The following CMAS variants were observed in gnomAD, a reference collection of about 807,000 sequenced individuals.
The protein encoded by CMAS is cytidine monophosphate N-acetylneuraminic acid synthetase.
In CMAS, 21 loss-of-function variants were observed where a neutral mutation model predicts 53.4. The ratio of observed to expected loss-of-function variants is 0.39; its 90% CI spans 0.28 to 0.57. The LOEUF is 0.57. Ranked by LOEUF, CMAS falls within the 20% of genes least tolerant of loss-of-function variation. The pLI is 0.56. For missense variants in CMAS, 384 were observed against 534.9 expected, an observed-to-expected ratio of 0.72 and a Z score of 2.78; for synonymous variants, 189 against 195.2, an observed-to-expected ratio of 0.97 and a Z score of 0.27.
intron 7 of CMAS, 107 bp from the exon 8 acceptor site, chr12:22,065,014 G>GTCTT (rs746880723): frequency 2.4e-4 from 185 of 777,864 alleles, no homozygotes; most frequent in Non-Finnish European, 3.3e-4. Flanking sequence ...GTGCCCCTAG[G>GTCTT]TCTTACTGAA....
At chr12:22,056,736 C>T (rs566957417) in intron 3 of CMAS, among the ~76,000 whole-genome samples, 1 of 152,170 alleles carries the variant, frequency 6.6e-6, no homozygotes, top group African/African-American at 2.4e-5. Flanking sequence ...GTGGTTCCTA[C>T]AGATGACAAT....
At chr12:22,055,010 T>C (rs6416226) in intron 1 of CMAS, 139 bp from the exon 2 acceptor site, 113,304 of 526,182 alleles carry the variant, frequency 0.22, 16,159 homozygotes, top group East Asian at 0.61. Flanking sequence ...TTTATACTCC[T>C]TTGGATCTGT....
In CMAS at chr12:22,062,260, CTTTT is replaced by C. The variant is rs33946820; in HGVS notation, c.961-7_961-4del. The C allele has an allele frequency of 0.015, 20,835 of 1,403,680 alleles. 1 individual carries two copies. Among genetic ancestry groups the C allele is most frequent in the East Asian group, 0.089 (3,367 of 37,872 alleles). 87.0% of individuals were successfully genotyped at this position (1,403,680 alleles called of 1,614,324 possible). A position where few individuals can be genotyped will look rare whatever the true frequency, so the allele number is the denominator to read the frequency against. Reference sequence around the variant, plus strand: ...TAATTTTTCCCTTCTTCCTCCAATCCTTTTTTTTTTTTTTTTTAAGGTGAGGCTA... The same window carrying C: ...TAATTTTTCCCTTCTTCCTCCAATCCTTTTTTTTTTTTTAAGGTGAGGCTA... On this transcript the variant is annotated splice_polypyrimidine_tract_variant and intron_variant, in intron 6 of 7. Transcript: ENST00000229329.
In CMAS at chr12:22,061,335, T is replaced by A; in HGVS notation, c.843T>A (p.Asn281Lys). ...AGGAAATAAAACTTTTGGTTTGCAA[T>A]ATTGATGGATGTCTCACCAATGGCC... ...KLKEIKLLVC[N>K]IDGCLTNGHI... Residue 281 changes from asparagine to lysine, a missense_variant, in exon 6 of 8, where the codon AAT (asparagine) becomes AAA (lysine). By Grantham distance (94) the Asn-to-Lys change is moderately conservative. This residue lies in a region of CMAS where 139 missense variants were observed against 248.0 expected (regional missense o/e 0.56). Transcript: ENST00000229329. 1.2e-6 allele frequency: 2 copies of A among 1,612,024 alleles called. No individual in the cohort carries two copies. Among genetic ancestry groups the A allele is most frequent in the Non-Finnish European group, 1.7e-6 (2 of 1,178,984 alleles).
chr12:22,053,249 C>T (rs1950247053), intron 1 of CMAS, among the ~76,000 whole-genome samples: 2 of 151,890 alleles, frequency 1.3e-5, no homozygotes, highest in East Asian at 3.9e-4. Flanking sequence ...AGATAATGGG[C>T]CACTGTACTC....
At position 22,062,345 on chromosome 12, in the gene CMAS, A is replaced by C. The variant is rs1275897703; in HGVS notation, c.1025A>C (p.Lys342Thr). 1 of 1,613,558 alleles carries C rather than the reference A, an allele frequency of 6.2e-7. No individual in the cohort carries two copies. The highest frequency in any genetic ancestry group is 2.2e-5 in the East Asian group (1 of 44,834). ...CTGTCTTCTTTAAAACTGGATTGCA[A>C]AATGGAAGTCAGTGTATCAGACAAG... is the stretch of plus-strand genomic sequence containing the variant. ...QTLSSLKLDC[K>T]MEVSVSDKLA... The change falls in exon 7 of 8, where the codon AAA becomes ACA. Residue 342 changes from lysine (K) to threonine (T), a missense_variant. Coordinates refer to ENST00000229329, the MANE Select transcript of CMAS (RefSeq NM_018686.6).
chr12:22,053,796 A>T (rs971924222), intron 1 of CMAS, among the ~76,000 whole-genome samples: 195 of 149,136 alleles, frequency 1.3e-3, no homozygotes, highest in African/African-American at 4.5e-3. Context: ...GGAGAATGGC[A>T]TGAACCTGGG....
chr12:22,060,823 T>A lies in CMAS; in HGVS notation c.694-9T>A. ...AAAACAGTATTCATGACATTTATACTACCTTTAGGGTGGAAAAATGGCATA... is the reference window on the plus strand; with the variant it reads ...AAAACAGTATTCATGACATTTATACAACCTTTAGGGTGGAAAAATGGCATA... On this transcript the variant is annotated splice_polypyrimidine_tract_variant and intron_variant, in intron 4 of 7. Coordinates refer to ENST00000229329, the MANE Select transcript of CMAS (RefSeq NM_018686.6). The A allele has an allele frequency of 6.5e-7, 1 of 1,532,382 alleles. No individual in the cohort carries two copies. Among genetic ancestry groups the A allele is most frequent in the Non-Finnish European group, 9.0e-7 (1 of 1,107,204 alleles). 94.9% of individuals were successfully genotyped at this position (1,532,382 alleles called of 1,614,324 possible).
chr12:22,055,537 A>C lies in CMAS; in HGVS notation c.486A>C (p.Arg162=), dbSNP rs1262929066. The change falls in exon 3 of 8, where the codon CGA becomes CGC. Residue 162 remains arginine, a synonymous_variant. Transcript: ENST00000229329. ...TDLQKVAEMI[R]EEGYDSVFSV... is the part of the protein sequence containing the mutation. ...TTCAAAAAGTTGCAGAAATGATTCG[A>C]GAAGAAGGATATGATTCTGTTTTCT... 9 of 1,612,614 alleles carry C rather than the reference A, an allele frequency of 5.6e-6. No homozygotes were observed. The highest frequency in any genetic ancestry group is 7.6e-6 in the Non-Finnish European group (9 of 1,179,630).
At chr12:22,060,476 C>T (rs952094066) in intron 4 of CMAS, among the ~76,000 whole-genome samples, 9 of 149,898 alleles carry the variant, frequency 6.0e-5, no homozygotes, top group African/African-American at 2.2e-4. Context: ...ATAGCAAGAT[C>T]TTATATCTAC....
Position 22,061,458 on chromosome 12 carries a change from T to C in CMAS, c.960+6T>C. ...TAAAGAAAAGTGGTATTGAGGTATG[T>C]GCTCCCTGAATATAGCAGTATTTTA... is the stretch of plus-strand genomic sequence containing the variant. On this transcript the variant is annotated splice_donor_region_variant and intron_variant, in intron 6 of 7. Coordinates refer to ENST00000229329, the MANE Select transcript of CMAS (RefSeq NM_018686.6). The C allele has an allele frequency of 6.5e-7, 1 of 1,539,132 alleles. No homozygotes were observed. The highest frequency in any genetic ancestry group is 8.9e-7 in the Non-Finnish European group (1 of 1,127,232).
In CMAS at chr12:22,055,576, C is replaced by T. The variant is rs968937528; in HGVS notation, c.525C>T (p.Arg175=). 2 of 1,609,892 alleles carry T rather than the reference C, an allele frequency of 1.2e-6. No homozygotes were observed. Among genetic ancestry groups the T allele is most frequent in the Non-Finnish European group, 1.7e-6 (2 of 1,179,070 alleles). Residue 175 remains arginine, a synonymous_variant, in exon 3 of 8, where the codon CGC becomes CGT. Transcript: ENST00000229329. The part of the protein sequence containing the change: ...GYDSVFSVVR[R]HQFRWSEIQK... Reference sequence around the variant, plus strand: ...ATTCTGTTTTCTCTGTTGTGAGACGCCATCAGTTTCGATGGAGTGAAATTC... The same window carrying T: ...ATTCTGTTTTCTCTGTTGTGAGACGTCATCAGTTTCGATGGAGTGAAATTC...
In CMAS at chr12:22,065,384, A is replaced by C. The variant is rs1478981872; in HGVS notation, c.*73A>C. The stretch of plus-strand genomic sequence containing the variant: ...GTTTGCTTTTATTTTTGATTAAGTA[A>C]ATTCCATGTTGTAATGTTACAGAGA... On this transcript the variant is annotated 3_prime_UTR_variant, in exon 8 of 8. Coordinates refer to ENST00000229329, the MANE Select transcript of CMAS (RefSeq NM_018686.6). The C allele has an allele frequency of 5.1e-6, 6 of 1,171,816 alleles. No individual in the cohort carries two copies. The East Asian group carries it at 1.4e-4, about 28-fold the overall frequency. The allele number at this position is 1,171,816 out of a possible 1,614,324, so 72.6% of individuals were successfully genotyped here. A position where few individuals can be genotyped will look rare whatever the true frequency, so the allele number is the denominator to read the frequency against.
chr12:22,056,849 C>A (rs1004268596), intron 3 of CMAS, among the ~76,000 whole-genome samples: 1 of 152,156 alleles, frequency 6.6e-6, no homozygotes, highest in Non-Finnish European at 1.5e-5. Context: ...TGTACCTTCT[C>A]CTCATACTCA....
chr12:22,058,424 C>CA (rs75620701), intron 3 of CMAS, 143 bp from the exon 4 acceptor site: 39,330 of 520,842 alleles, frequency 0.076, 19 homozygotes, highest in Non-Finnish European at 0.088. Context: ...GACTCTGTCT[C>CA]AAAAAAAAAA....
chr12:22,053,482 GT>G (rs1009000078), intron 1 of CMAS, among the ~76,000 whole-genome samples: 10 of 147,542 alleles, frequency 6.8e-5, no homozygotes, highest in South Asian at 4.4e-4. Context: ...ATATATGTTT[GT>G]GTGTGTATAT....
chr12:22,059,560 AAG>A (rs930831820), intron 4 of CMAS, among the ~76,000 whole-genome samples: 16 of 152,066 alleles, frequency 1.1e-4, no homozygotes, highest in African/African-American at 3.6e-4. Context: ...AGCGGTTTTA[AAG>A]AGAGAGAGAG....
chr12:22,060,298 TGTTAAG>T (rs1218646316), intron 4 of CMAS, among the ~76,000 whole-genome samples: 5 of 136,180 alleles, frequency 3.7e-5, no homozygotes, highest in African/African-American at 1.1e-4. Flanking sequence ...ATTTGAAAAA[TGTTAAG>T]GTTATTTCTT....
Position 22,065,154 on chromosome 12 carries a change from G to C in CMAS, c.1148G>C (p.Arg383Thr), listed in dbSNP as rs1238462699. 1 of 1,613,786 alleles carries C rather than the reference G, an allele frequency of 6.2e-7. No homozygotes were observed. ...NEVSDEECLK[R>T]VGLSGAPADA... ...GTGTCTGATGAAGAGTGCTTGAAGA[G>C]AGTGGGCCTAAGTGGCGCTCCTGCT... Residue 383 changes from arginine to threonine, a missense_variant, in exon 8 of 8, where the codon AGA becomes ACA. By Grantham distance (71) the Arg-to-Thr change is moderately conservative. Transcript: ENST00000229329.
Sources: allele counts gnomAD v4.1 joint callset (sites outside exome capture counted in the v4.1 genomes callset), GRCh38; gene constraint gnomAD v4.1.1; regional missense constraint gnomAD v4.1.1; transcripts MANE v1.5; gene names NCBI Gene and HGNC (gene_info 2026-07-23, HGNC 2026-07-21).